NLGN1: variants seen among roughly 807,000 people sequenced by gnomAD.
NLGN1 encodes neuroligin-1.
NLGN1 carries 12 observed loss-of-function variants against 65.5 expected under a neutral mutation model. The ratio of observed to expected loss-of-function variants is 0.18; its 90% CI spans 0.12 to 0.30. NLGN1 has a LOEUF of 0.30. Among genes scored for constraint, NLGN1 ranks in the 10% least tolerant of loss-of-function variants. The probability of loss-of-function intolerance (pLI) is 1.00; values close to 1 mark genes in which losing one functional copy is unlikely to be tolerated. For missense variants in NLGN1, 750 were observed against 1,007.1 expected (o/e 0.74, Z 3.46); for synonymous variants, 350 against 359.5 (o/e 0.97, Z 0.30).
At chr3:174,217,810 C>T (rs546149520) in intron 4 of NLGN1, among the ~76,000 whole-genome samples, 13 of 151,984 alleles carry the variant, frequency 8.6e-5, no homozygotes, top group South Asian at 6.2e-4. Flanking sequence ...TAAGGCGTAA[C>T]GACAGACAAT....
rs546638893 is a variant in NLGN1 at position 173,527,187 on chromosome 3, A to G, written c.-320-77092A>G. Among the ~76,000 whole-genome samples the G allele has an allele frequency of 7.5e-4, 114 of 152,228 alleles. 1 individual carries two copies. Among genetic ancestry groups the G allele is most frequent in the Non-Finnish European group, 1.4e-3 (95 of 68,010 alleles). ...AGAACCTTGACAGCAACAGTGTATG[A>G]GGGTTCCCTTTTCTCCATATCCATG... is the stretch of plus-strand genomic sequence containing the variant. On this transcript the variant is annotated intron_variant, in intron 2 of 6. Coordinates refer to ENST00000457714, the Ensembl canonical transcript of NLGN1.
At chr3:173,634,442 T>C (rs1756254849) in intron 3 of NLGN1, among the ~76,000 whole-genome samples, 1 of 152,118 alleles carries the variant, frequency 6.6e-6, no homozygotes, top group Non-Finnish European at 1.5e-5. Flanking sequence ...CAAATACTTA[T>C]ATGCATTAGT....
At chr3:173,429,434 T>C (rs546554785) in intron 1 of NLGN1, among the ~76,000 whole-genome samples, 8 of 152,216 alleles carry the variant, frequency 5.3e-5, no homozygotes, top group African/African-American at 9.6e-5. Context: ...TCCTCAAAAC[T>C]ACTGTTTTGA....
chr3:173,488,339 T>C (rs1728502954), intron 2 of NLGN1, among the ~76,000 whole-genome samples: 1 of 152,062 alleles, frequency 6.6e-6, no homozygotes, highest in Non-Finnish European at 1.5e-5. Flanking sequence ...TGGCCATTAT[T>C]TTTTTCTCTA....
At chr3:173,830,577 G>C (rs1294305635) in intron 4 of NLGN1, among the ~76,000 whole-genome samples, 1 of 151,986 alleles carries the variant, frequency 6.6e-6, no homozygotes, top group Non-Finnish European at 1.5e-5. Context: ...ACACCTTATA[G>C]TCAGGAAATA....
At chr3:174,200,852 T>C (rs1203696320) in intron 4 of NLGN1, among the ~76,000 whole-genome samples, 1 of 152,132 alleles carries the variant, frequency 6.6e-6, no homozygotes, top group African/African-American at 2.4e-5. Context: ...CTATTCTAAT[T>C]ACATGGAGCA....
At chr3:174,240,333 A>G (rs1029490384) in intron 4 of NLGN1, among the ~76,000 whole-genome samples, 1 of 151,314 alleles carries the variant, frequency 6.6e-6, no homozygotes, top group Admixed American at 6.6e-5. Context: ...AGAATTTTCC[A>G]AAGAAAGATA....
At chr3:173,744,976 C>T (rs138619271) in intron 3 of NLGN1, among the ~76,000 whole-genome samples, 1 of 152,058 alleles carries the variant, frequency 6.6e-6, no homozygotes, top group Non-Finnish European at 1.5e-5. Flanking sequence ...TAATAGACCG[C>T]CTATCTTTCC....
At chr3:173,575,029 C>T (rs976621602) in intron 2 of NLGN1, among the ~76,000 whole-genome samples, 1 of 152,062 alleles carries the variant, frequency 6.6e-6, no homozygotes, top group Admixed American at 6.6e-5. Context: ...GAACCACAGT[C>T]TCATGCCACC....
At chr3:174,179,073 G>A (rs1334691474) in intron 4 of NLGN1, among the ~76,000 whole-genome samples, 1 of 151,968 alleles carries the variant, frequency 6.6e-6, no homozygotes, top group Admixed American at 6.6e-5. Flanking sequence ...TGAGCCAAAG[G>A]TTGTCATTAG....
At chr3:173,650,647 T>C (rs777685038) in intron 3 of NLGN1, among the ~76,000 whole-genome samples, 7 of 152,194 alleles carry the variant, frequency 4.6e-5, no homozygotes, top group Non-Finnish European at 7.4e-5. Flanking sequence ...TTGGAACTTA[T>C]TGTGGTGAGT....
At chr3:173,573,312 G>A (rs1258074172) in intron 2 of NLGN1, among the ~76,000 whole-genome samples, 1 of 152,062 alleles carries the variant, frequency 6.6e-6, no homozygotes, top group Non-Finnish European at 1.5e-5. Context: ...TAAGAACTGA[G>A]TACAATATTG....
chr3:173,822,012 A>G (rs1308169937), intron 4 of NLGN1, among the ~76,000 whole-genome samples: 1 of 152,144 alleles, frequency 6.6e-6, no homozygotes, highest in Non-Finnish European at 1.5e-5. Flanking sequence ...AAACTCTGCC[A>G]GGTTTTATTC....
rs138014106 is a variant in NLGN1 at position 174,064,057 on chromosome 3, G to A, written c.647-211258G>A. On this transcript the variant is annotated intron_variant, in intron 4 of 6. Transcript: ENST00000457714. ...CTCGGGAGGCTGAGGCAGTAGAGCCGTTTGAACCCGGGAGGCAGAGGTTGC... is the reference window on the plus strand; with the variant it reads ...CTCGGGAGGCTGAGGCAGTAGAGCCATTTGAACCCGGGAGGCAGAGGTTGC... 3.1e-3 allele frequency among the ~76,000 whole-genome samples: 475 copies of A among 152,130 alleles called. 3 individuals are homozygous for A. Among genetic ancestry groups the A allele is most frequent in the African/African-American group, 0.011 (447 of 41,502 alleles).
chr3:174,192,840 T>C (rs1732656059), intron 4 of NLGN1, among the ~76,000 whole-genome samples: 1 of 152,180 alleles, frequency 6.6e-6, no homozygotes, highest in African/African-American at 2.4e-5. Flanking sequence ...TTCCACTCTG[T>C]CCACACTGAA....
At chr3:174,265,319 A>G (rs1196683175) in intron 4 of NLGN1, among the ~76,000 whole-genome samples, 2 of 151,794 alleles carry the variant, frequency 1.3e-5, no homozygotes, top group Non-Finnish European at 2.9e-5. Context: ...CTGCTGTGCT[A>G]GCAATCAGTG....
intron 3 of NLGN1, among the ~76,000 whole-genome samples, chr3:173,778,670 G>A (rs1780683488): frequency 6.6e-6 from 1 of 151,744 alleles, no homozygotes. Context: ...CTATTGAATG[G>A]ATTTTGGCTC....
At chr3:173,564,484 T>C (rs549159993) in intron 2 of NLGN1, among the ~76,000 whole-genome samples, 1 of 152,390 alleles carries the variant, frequency 6.6e-6, no homozygotes, top group East Asian at 1.9e-4. Context: ...CCATGTGCTC[T>C]TGAAGTTTGA....
chr3:174,012,501 T>C (rs1295067317), intron 4 of NLGN1, among the ~76,000 whole-genome samples: 1 of 152,162 alleles, frequency 6.6e-6, no homozygotes, highest in Admixed American at 6.5e-5. Context: ...GCATCCTCTA[T>C]CATTTATTCT....
Sources: allele counts gnomAD v4.1 joint callset (sites outside exome capture counted in the v4.1 genomes callset), GRCh38; gene constraint gnomAD v4.1.1; transcripts MANE v1.5; gene names NCBI Gene and HGNC (gene_info 2026-07-23, HGNC 2026-07-21).